Variants in PTPRN2 observed in about 807,000 individuals in gnomAD.
PTPRN2 encodes receptor-type tyrosine-protein phosphatase N2.
A neutral mutation model predicts 118.8 loss-of-function variants in PTPRN2; 74 were observed. That is an observed-to-expected ratio of 0.62 (90% CI 0.52 to 0.76). The LOEUF (loss-of-function observed/expected upper bound fraction) is 0.76. Among genes scored for constraint, PTPRN2 ranks in the 30% least tolerant of loss-of-function variants. PTPRN2 has a pLI of 0.00. For missense variants in PTPRN2, 1,481 were observed against 1,394.4 expected, an observed-to-expected ratio of 1.06 and a Z score of -0.99; for synonymous variants, 641 against 608.0, an observed-to-expected ratio of 1.05 and a Z score of -0.80.
chr7:158,433,257 C>G (rs1816351779), intron 2 of PTPRN2, among the ~76,000 whole-genome samples: 1 of 152,138 alleles, frequency 6.6e-6, no homozygotes, highest in Non-Finnish European at 1.5e-5. Context: ...TGGGAACATT[C>G]TTAGGCCTTT....
At chr7:158,516,935 T>C (rs1823619848) in intron 1 of PTPRN2, among the ~76,000 whole-genome samples, 1 of 152,220 alleles carries the variant, frequency 6.6e-6, no homozygotes, top group Non-Finnish European at 1.5e-5. Context: ...TCCTGTAACC[T>C]GCAAGGCTTT....
intron 16 of PTPRN2, among the ~76,000 whole-genome samples, chr7:157,601,331 A>T (rs1333263849): frequency 6.6e-6 from 1 of 152,174 alleles, no homozygotes; most frequent in Admixed American, 6.5e-5. Context: ...CTTTGCTGTA[A>T]TTGTGAGCTT....
intron 12 of PTPRN2, among the ~76,000 whole-genome samples, chr7:157,759,073 C>T (rs529127771): frequency 1.1e-4 from 16 of 152,346 alleles, no homozygotes; most frequent in African/African-American, 2.9e-4. Flanking sequence ...TATTATTCCT[C>T]GTTTCTCTTG....
In PTPRN2 at chr7:157,596,115, A is replaced by C. The variant is rs766071610; in HGVS notation, c.2419-800T>G. Among the ~76,000 whole-genome samples, 5 of 152,240 alleles carry C rather than the reference A, an allele frequency of 3.3e-5. No homozygotes were observed. The highest frequency in any genetic ancestry group is 6.5e-5 in the Admixed American group (1 of 15,276). On this transcript the variant is annotated intron_variant, in intron 16 of 22. Coordinates refer to ENST00000389418, the MANE Select transcript of PTPRN2 (RefSeq NM_002847.5). This position sits in a 1 kb window ranked among gnomAD's most constrained non-coding sequence, Gnocchi z 4.2. ...AGGCTGAGCTCCAAGCTCTCAATGG[A>C]GAGTGTGAACAGGGTTCCTCCAGGC...
chr7:157,916,630 C>T (rs1798412588), intron 11 of PTPRN2, among the ~76,000 whole-genome samples: 1 of 152,272 alleles, frequency 6.6e-6, no homozygotes, highest in South Asian at 2.1e-4. Flanking sequence ...GCTCCAGCCA[C>T]CTGCACCACA....
At chr7:157,828,326 G>A (rs938908256) in intron 12 of PTPRN2, among the ~76,000 whole-genome samples, 1 of 152,138 alleles carries the variant, frequency 6.6e-6, no homozygotes, top group Non-Finnish European at 1.5e-5. Flanking sequence ...GTGTCTTCAC[G>A]AGCAACCACA....
chr7:158,185,040 T>C (rs1195275435), intron 5 of PTPRN2, among the ~76,000 whole-genome samples: 1 of 152,200 alleles, frequency 6.6e-6, no homozygotes, highest in Admixed American at 6.5e-5. Flanking sequence ...GTGAGTTATG[T>C]TGGTTGATGT....
chr7:158,146,692 G>C lies in PTPRN2; in HGVS notation c.911-8177C>G, dbSNP rs930541564. On this transcript the variant is annotated intron_variant, in intron 6 of 22. Coordinates refer to ENST00000389418, the MANE Select transcript of PTPRN2 (RefSeq NM_002847.5). ...GCTGAGATCGCGCCACTGCACTCCA[G>C]CCTGGGCGACAGAGCGAGACTCTGC... Among the ~76,000 whole-genome samples, 6 of 145,880 alleles carry C rather than the reference G, an allele frequency of 4.1e-5. 1 individual carries two copies. Among genetic ancestry groups the C allele is most frequent in the African/African-American group, 1.0e-4 (4 of 38,622 alleles).
In PTPRN2 at chr7:158,003,231, G is replaced by A. The variant is rs377282683; in HGVS notation, c.1723+78067C>T. Among the ~76,000 whole-genome samples, 27 of 151,888 alleles carry A rather than the reference G, an allele frequency of 1.8e-4. No individual in the cohort carries two copies. In the East Asian group the frequency reaches 4.9e-3, roughly 27 times the overall value. ...AGATCGAGACCATCTTGGCTAACAC[G>A]GTGAAACCCCGTTTCTACTAAAAAT... On this transcript the variant is annotated intron_variant, in intron 11 of 22. Transcript: ENST00000389418. This position sits in a 1 kb window ranked among gnomAD's most constrained non-coding sequence, Gnocchi z 5.0.
rs753248122 is a variant in PTPRN2, at chr7:157,880,120, C to T, written c.1788+18553G>A. Among the ~76,000 whole-genome samples the T allele has an allele frequency of 1.1e-4, 16 of 152,054 alleles. 1 individual carries two copies. The highest frequency in any genetic ancestry group is 3.9e-4 in the East Asian group (2 of 5,182). On this transcript the variant is annotated intron_variant, in intron 12 of 22. Coordinates refer to ENST00000389418, the MANE Select transcript of PTPRN2 (RefSeq NM_002847.5). ...GGGATTAAATATTGTTTTTCATCCC[C>T]GTAATCTAAGACGGACTGGAAATTA...
intron 2 of PTPRN2, among the ~76,000 whole-genome samples, chr7:158,422,446 C>T (rs1815332887): frequency 6.6e-6 from 1 of 152,196 alleles, no homozygotes; most frequent in African/African-American, 2.4e-5. Flanking sequence ...ACTCTGAATG[C>T]TGCCAGATTC....
intron 13 of PTPRN2, among the ~76,000 whole-genome samples, chr7:157,660,647 G>A (rs1386601618): frequency 6.6e-6 from 1 of 152,212 alleles, no homozygotes; most frequent in Non-Finnish European, 1.5e-5. Flanking sequence ...GCATTCATGA[G>A]TAAGAGAGAC....
intron 11 of PTPRN2, among the ~76,000 whole-genome samples, chr7:158,034,516 C>T (rs147344912): frequency 2.1e-4 from 32 of 152,120 alleles, no homozygotes; most frequent in South Asian, 1.4e-3. Context: ...CCATGTAAGA[C>T]GGGACTTGCT....
intron 1 of PTPRN2, among the ~76,000 whole-genome samples, chr7:158,512,359 C>T (rs1823239335): frequency 6.6e-6 from 1 of 152,190 alleles, no homozygotes; most frequent in Admixed American, 6.5e-5. Flanking sequence ...GAAGTTCTCC[C>T]TATTGGAGTG....
intron 14 of PTPRN2, among the ~76,000 whole-genome samples, chr7:157,639,566 C>T (rs1201513335): frequency 2.0e-5 from 3 of 152,202 alleles, no homozygotes; most frequent in Admixed American, 6.5e-5. Flanking sequence ...GGGAAATCCC[C>T]AGGAATCCAA....
chr7:157,551,105 G>A (rs539404132), intron 21 of PTPRN2, among the ~76,000 whole-genome samples: 2 of 152,242 alleles, frequency 1.3e-5, no homozygotes, highest in East Asian at 1.9e-4. Flanking sequence ...CAGAAACGAC[G>A]CAGGGGAACT....
rs570841737 is a variant in PTPRN2 at position 158,098,507 on chromosome 7, T to C, written c.1643+12322A>G. On this transcript the variant is annotated intron_variant, in intron 10 of 22. Transcript: ENST00000389418. ...CGGAATGCGGAGAAGCCGTCCGTGC[T>C]CAGAATCCGTCTTCCGACAGCGAAG... Among the ~76,000 whole-genome samples the C allele has an allele frequency of 5.3e-5, 8 of 152,242 alleles. 1 individual carries two copies. Among genetic ancestry groups the C allele is most frequent in the African/African-American group, 1.9e-4 (8 of 41,560 alleles).
chr7:158,352,021 G>A (rs1328837890), intron 2 of PTPRN2, among the ~76,000 whole-genome samples: 46 of 129,502 alleles, frequency 3.6e-4, no homozygotes, highest in African/African-American at 1.2e-3. Context: ...CCTCCTGACC[G>A]CTCCCCTCCT....
intron 1 of PTPRN2, among the ~76,000 whole-genome samples, chr7:158,545,812 A>G (rs1372495502): frequency 6.6e-6 from 1 of 152,200 alleles, no homozygotes; most frequent in African/African-American, 2.4e-5. Flanking sequence ...CGGTCTGGCC[A>G]ACACGGCAAA....
Sources: gnomAD v4.1 joint callset for allele counts (sites outside exome capture counted in the v4.1 genomes callset) on GRCh38, gnomAD v4.1.1 for gene constraint, Gnocchi (gnomAD v3.1) non-coding constraint, MANE v1.5 for transcripts, NCBI Gene and HGNC (gene_info 2026-07-23, HGNC 2026-07-21) for gene names.